LSM8: variants seen among roughly 807,000 people sequenced by gnomAD.
LSM8 encodes LSM8 homolog, U6 small nuclear RNA associated.
A neutral mutation model predicts 15.0 loss-of-function variants in LSM8; 14 were observed. The observed-to-expected ratio is 0.93, with a 90% CI of 0.62 to 1.46. The LOEUF (loss-of-function observed/expected upper bound fraction) is 1.46, where lower values mean the gene tolerates loss of function less well. Among genes scored for constraint, LSM8 ranks in the 40% most tolerant of loss-of-function variants. The pLI is 0.00. For missense variants in LSM8, 90 were observed against 115.4 expected (o/e 0.78, Z 1.01); for synonymous variants, 50 against 42.1 (o/e 1.19, Z -0.73).
chr7:118,193,744 A>G lies in LSM8; in HGVS notation c.*1742A>G, dbSNP rs1202875598. Among the ~76,000 whole-genome samples the G allele has an allele frequency of 6.6e-6, 1 of 152,140 alleles. No individual in the cohort carries two copies. The highest frequency in any genetic ancestry group is 6.5e-5 in the Admixed American group (1 of 15,276). ...TTCCAAAAATTAAATAAGAATACACATTGTTCAGTTGCTAAGAAAAATGCA... is the reference window on the plus strand; with the variant it reads ...TTCCAAAAATTAAATAAGAATACACGTTGTTCAGTTGCTAAGAAAAATGCA... On this transcript the variant is annotated 3_prime_UTR_variant, in exon 4 of 4. Transcript: ENST00000249299.
intron 3 of LSM8, chr7:118,191,551 T>C (rs186547914): frequency 1.0e-3 from 166 of 158,698 alleles, no homozygotes; most frequent in Non-Finnish European, 1.7e-3. Flanking sequence ...TTATTTTTAA[T>C]ACAGTCCTAG....
chr7:118,188,710 A>G (rs995100743), intron 3 of LSM8: 10 of 179,964 alleles, frequency 5.6e-5, no homozygotes, highest in Non-Finnish European at 1.0e-4. Flanking sequence ...TCTGCCTTAT[A>G]TTAAATACTT....
At position 118,196,051 on chromosome 7, in the gene LSM8, A is replaced by G. The variant is rs1353609027; in HGVS notation, c.*4049A>G. Among the ~76,000 whole-genome samples, 2 of 152,214 alleles carry G rather than the reference A, an allele frequency of 1.3e-5. No homozygotes were observed. Among genetic ancestry groups the G allele is most frequent in the Non-Finnish European group, 2.9e-5 (2 of 68,038 alleles). On this transcript the variant is annotated 3_prime_UTR_variant, in exon 4 of 4. Coordinates refer to ENST00000249299, the MANE Select transcript of LSM8 (RefSeq NM_016200.5). ...CCATGAGACGTGCTTAGTCTTCATA[A>G]ATCGATGCTGCCTCCTAGTGGCCAT... is the stretch of plus-strand genomic sequence containing the variant.
intron 1 of LSM8, chr7:118,185,263 T>TTTTTTC: frequency 6.4e-6 from 1 of 156,912 alleles, no homozygotes; most frequent in African/African-American, 2.4e-5. Flanking sequence ...GTTTTTTTTT[T>TTTTTTC]TTTTTCTTTT....
Position 118,192,670 on chromosome 7 carries a change from G to A in LSM8, c.*668G>A, listed in dbSNP as rs1809004306. The A allele has an allele frequency of 6.6e-6, 1 of 152,068 alleles. No individual in the cohort carries two copies. The highest frequency in any genetic ancestry group is 1.5e-5 in the Non-Finnish European group (1 of 67,978). The allele number at this position is 152,068 out of a possible 1,614,324, so 9.4% of individuals were successfully genotyped here. On this transcript the variant is annotated 3_prime_UTR_variant, in exon 4 of 4. Coordinates refer to ENST00000249299, the MANE Select transcript of LSM8 (RefSeq NM_016200.5). ...GATGCCCAATTGGTTAGGTATGAAA[G>A]TAATATGAACACATTAATGTTGAAT...
Position 118,193,685 on chromosome 7 carries a change from T to A in LSM8, c.*1683T>A, listed in dbSNP as rs984416362. On this transcript the variant is annotated 3_prime_UTR_variant, in exon 4 of 4. Transcript: ENST00000249299. ...AAATTTAGGGACTGTGAATGAAATA[T>A]TGTAGTATATGGCATTTTGAATTGG... 6.6e-6 allele frequency among the ~76,000 whole-genome samples: 1 copy of A among 152,122 alleles called. No individual in the cohort carries two copies. The highest frequency in any genetic ancestry group is 2.4e-5 in the African/African-American group (1 of 41,442).
intron 2 of LSM8, among the ~76,000 whole-genome samples, chr7:118,187,583 G>A (rs192733240): frequency 6.6e-6 from 1 of 152,254 alleles, no homozygotes; most frequent in Admixed American, 6.5e-5. Context: ...ATATTTATGG[G>A]ACTGATTTGA....
intron 2 of LSM8, among the ~76,000 whole-genome samples, chr7:118,186,720 A>G (rs1222087161): frequency 6.6e-6 from 1 of 152,232 alleles, no homozygotes; most frequent in Non-Finnish European, 1.5e-5. Context: ...TGGGATTTAA[A>G]TTTGGTTTGA....
chr7:118,198,930 C>T lies in LSM8; in HGVS notation c.*6928C>T, dbSNP rs1809124392. 6.6e-6 allele frequency among the ~76,000 whole-genome samples: 1 copy of T among 152,166 alleles called. No individual in the cohort carries two copies. The highest frequency in any genetic ancestry group is 2.1e-4 in the South Asian group (1 of 4,832). On this transcript the variant is annotated 3_prime_UTR_variant, in exon 4 of 4. Transcript: ENST00000249299. The stretch of plus-strand genomic sequence containing the variant: ...GGAGCTAAGGTCAGTTATGAGGGAA[C>T]TGAATATTTATGTGACTGAACCCTC...
chr7:118,186,157 G>C (rs139026496), intron 2 of LSM8, among the ~76,000 whole-genome samples: 1,628 of 151,814 alleles, frequency 0.011, 25 homozygotes, highest in African/African-American at 0.037. Flanking sequence ...ACATTATGAT[G>C]ATTGACTCTC....
In LSM8 at chr7:118,184,170, G is replaced by C. The variant is rs1025070610; in HGVS notation, c.-54G>C. 1.3e-6 allele frequency: 2 copies of C among 1,543,962 alleles called. No individual in the cohort carries two copies. The highest frequency in any genetic ancestry group is 8.7e-7 in the Non-Finnish European group (1 of 1,143,766). On this transcript the variant is annotated 5_prime_UTR_variant, in exon 1 of 4. Transcript: ENST00000249299. ...TGCCGGGTTCTGGCGCGCCCTTTCAGTTCTGCTTGCTGTCGGCACCGCTGC... is the reference window on the plus strand; with the variant it reads ...TGCCGGGTTCTGGCGCGCCCTTTCACTTCTGCTTGCTGTCGGCACCGCTGC...
chr7:118,199,860 G>C lies in LSM8; in HGVS notation c.*7858G>C, dbSNP rs562707507. 1.3e-5 allele frequency among the ~76,000 whole-genome samples: 2 copies of C among 152,192 alleles called. No individual in the cohort carries two copies. Among genetic ancestry groups the C allele is most frequent in the East Asian group, 3.9e-4 (2 of 5,182 alleles). On this transcript the variant is annotated 3_prime_UTR_variant, in exon 4 of 4. Coordinates refer to ENST00000249299, the MANE Select transcript of LSM8 (RefSeq NM_016200.5). ...ATCTAAAGTTTAATAGCAACACTAGGCTGGACTGAGTGGTGAATACGTTGA... is the reference window on the plus strand; with the variant it reads ...ATCTAAAGTTTAATAGCAACACTAGCCTGGACTGAGTGGTGAATACGTTGA...
Position 118,184,272 on chromosome 7 carries a change from G to C in LSM8, c.31+18G>C, listed in dbSNP as rs776415984. 1 of 1,479,646 alleles carries C rather than the reference G, an allele frequency of 6.8e-7. No homozygotes were observed. The allele number at this position is 1,479,646 out of a possible 1,614,324, so 91.7% of individuals were successfully genotyped here. ...CATCAACCGTATCCTCAAGCTGGCC[G>C]CCGCGGGCGTGAGCCGGGGTCGCGG... On this transcript the variant is annotated intron_variant, in intron 1 of 3. Coordinates refer to ENST00000249299, the MANE Select transcript of LSM8 (RefSeq NM_016200.5).
intron 2 of LSM8, among the ~76,000 whole-genome samples, chr7:118,186,029 A>C (rs183521596): frequency 6.6e-6 from 1 of 152,114 alleles, no homozygotes; most frequent in Admixed American, 6.5e-5. Context: ...GAAATTTTGC[A>C]TATGCTTAGT....
At position 118,195,870 on chromosome 7, in the gene LSM8, C is replaced by T. The variant is rs1809068760; in HGVS notation, c.*3868C>T. Among the ~76,000 whole-genome samples, 1 of 152,048 alleles carries T rather than the reference C, an allele frequency of 6.6e-6. No homozygotes were observed. Among genetic ancestry groups the T allele is most frequent in the African/African-American group, 2.4e-5 (1 of 41,404 alleles). On this transcript the variant is annotated 3_prime_UTR_variant, in exon 4 of 4. Transcript: ENST00000249299. ...AAAGCTATCTCCATTTAGATTGATA[C>T]CCATTAAATAGCATAGTGCTCCCAT...
At position 118,193,122 on chromosome 7, in the gene LSM8, T is replaced by C. The variant is rs1809013684; in HGVS notation, c.*1120T>C. On this transcript the variant is annotated 3_prime_UTR_variant, in exon 4 of 4. Transcript: ENST00000249299. ...AAAATAGTAGTTGGCAAGCTTTTTC[T>C]ATGAAGATCCAGATAGTCTTTTAGG... is the stretch of plus-strand genomic sequence containing the variant. Among the ~76,000 whole-genome samples, 3 of 152,182 alleles carry C rather than the reference T, an allele frequency of 2.0e-5. No homozygotes were observed. Among genetic ancestry groups the C allele is most frequent in the Admixed American group, 2.0e-4 (3 of 15,274 alleles).
intron 1 of LSM8, 86 bp from the exon 2 acceptor site, chr7:118,185,568 A>G (rs77829424): frequency 8.3e-7 from 1 of 1,198,102 alleles, no homozygotes; most frequent in African/African-American, 1.5e-5. Flanking sequence ...TGTCATATTT[A>G]TTCTAAAAAT....
chr7:118,184,210 C>T lies in LSM8; in HGVS notation c.-14C>T, dbSNP rs1354525902. 3.2e-6 allele frequency: 5 copies of T among 1,542,368 alleles called. No homozygotes were observed. The highest frequency in any genetic ancestry group is 1.2e-5 in the South Asian group (1 of 83,838). On this transcript the variant is annotated 5_prime_UTR_variant, in exon 1 of 4. Coordinates refer to ENST00000249299, the MANE Select transcript of LSM8 (RefSeq NM_016200.5). ...GGCACCGCTGCGTTACCCGGAACCG[C>T]CGGGCCGAACAGCATGACGTCCGCT...
rs1218098612 is a variant in LSM8, at chr7:118,195,975, G to A, written c.*3973G>A. ...CTGTTTATAGGGATTATTGATGTGA[G>A]ATTTGGTCAGATGCTTTGATGTGAT... is the stretch of plus-strand genomic sequence containing the variant. On this transcript the variant is annotated 3_prime_UTR_variant, in exon 4 of 4. Transcript: ENST00000249299. 6.6e-6 allele frequency among the ~76,000 whole-genome samples: 1 copy of A among 152,172 alleles called. No homozygotes were observed. The highest frequency in any genetic ancestry group is 1.5e-5 in the Non-Finnish European group (1 of 68,016).
Sources: gnomAD v4.1 joint callset for allele counts (sites outside exome capture counted in the v4.1 genomes callset) on GRCh38, gnomAD v4.1.1 for gene constraint, MANE v1.5 for transcripts, NCBI Gene and HGNC (gene_info 2026-07-23, HGNC 2026-07-21) for gene names.